Variants in ZNF385D observed in about 807,000 individuals in gnomAD.
ZNF385D encodes the protein zinc finger protein 659.
ZNF385D carries 15 observed loss-of-function variants against 35.8 expected under a neutral mutation model. That is an observed-to-expected ratio of 0.42 (90% CI 0.28 to 0.64). ZNF385D has a LOEUF of 0.64. ZNF385D is among the 30% of genes least tolerant of loss of function. The probability of loss-of-function intolerance (pLI) is 0.23; values close to 1 mark genes in which losing one functional copy is unlikely to be tolerated. For missense variants in ZNF385D, 474 were observed against 494.6 expected, an observed-to-expected ratio of 0.96 and a Z score of 0.39; for synonymous variants, 212 against 186.8, an observed-to-expected ratio of 1.13 and a Z score of -1.10.
At chr3:21,511,896 C>G (rs1306821137) in intron 3 of ZNF385D, 14 of 423,818 alleles carry the variant, frequency 3.3e-5, no homozygotes, top group Admixed American at 3.1e-4. Context: ...TGACTGTAAT[C>G]CAAGCACTTT....
chr3:22,347,531 C>G (rs896167899), intron 2 of ZNF385D, among the ~76,000 whole-genome samples: 4 of 152,146 alleles, frequency 2.6e-5, no homozygotes, highest in Admixed American at 2.6e-4. Context: ...TCAAAACAAT[C>G]AGACATGTCA....
intron 3 of ZNF385D, among the ~76,000 whole-genome samples, chr3:21,850,433 T>G (rs536911702): frequency 6.6e-6 from 1 of 152,078 alleles, no homozygotes. Flanking sequence ...CTCTTTGAGC[T>G]GTAGACACAA....
At chr3:21,865,603 C>T (rs1171059318) in intron 3 of ZNF385D, among the ~76,000 whole-genome samples, 3 of 152,056 alleles carry the variant, frequency 2.0e-5, no homozygotes, top group Non-Finnish European at 4.4e-5. Context: ...GTATCTTTAT[C>T]AAGAACTTGC....
intron 2 of ZNF385D, among the ~76,000 whole-genome samples, chr3:22,303,475 C>G (rs1274803431): frequency 6.6e-6 from 1 of 152,124 alleles, no homozygotes; most frequent in Non-Finnish European, 1.5e-5. Flanking sequence ...GTTCACTTAT[C>G]TTGCCTCCTT....
At chr3:22,077,910 G>A (rs561296426) in intron 3 of ZNF385D, among the ~76,000 whole-genome samples, 1 of 152,118 alleles carries the variant, frequency 6.6e-6, no homozygotes, top group African/African-American at 2.4e-5. Context: ...ATCACTCCAT[G>A]TCTGATACCT....
chr3:22,014,621 TTAC>T (rs1440132207), intron 3 of ZNF385D, among the ~76,000 whole-genome samples: 1 of 151,732 alleles, frequency 6.6e-6, no homozygotes, highest in East Asian at 1.9e-4. Context: ...CTCAGAAAAA[TTAC>T]CACCATGAAA....
chr3:21,491,810 C>T (rs1485799397), intron 4 of ZNF385D, among the ~76,000 whole-genome samples: 1 of 152,096 alleles, frequency 6.6e-6, no homozygotes, highest in Non-Finnish European at 1.5e-5. Context: ...TACGTAATAG[C>T]CAACTGGATG....
intron 2 of ZNF385D, among the ~76,000 whole-genome samples, chr3:22,347,672 T>C (rs186982761): frequency 2.6e-5 from 4 of 152,298 alleles, no homozygotes; most frequent in Non-Finnish European, 5.9e-5. Context: ...TTAAAAATGA[T>C]ATGACTGTTT....
rs948959863 is a variant in ZNF385D at position 22,256,222 on chromosome 3, C to T, written c.107-87187G>A. Among the ~76,000 whole-genome samples, 3 of 117,194 alleles carry T rather than the reference C, an allele frequency of 2.6e-5. No individual in the cohort carries two copies. In the Admixed American group the frequency reaches 2.6e-4, roughly 10 times the overall value. The allele number at this position is 117,194 out of a possible 152,430, so 76.9% of individuals were successfully genotyped here. On this transcript the variant is annotated intron_variant, in intron 2 of 5. Coordinates refer to the ZNF385D transcript ENST00000494108. ...ACATACATATATACATATATATACACACATATACACATACATATATATATA... is the reference window on the plus strand; with the variant it reads ...ACATACATATATACATATATATACATACATATACACATACATATATATATA...
At chr3:21,999,796 A>G (rs542419494) in intron 3 of ZNF385D, among the ~76,000 whole-genome samples, 1 of 151,886 alleles carries the variant, frequency 6.6e-6, no homozygotes, top group Non-Finnish European at 1.5e-5. Flanking sequence ...AATAATAATG[A>G]AAAACAAAAA....
chr3:21,892,844 G>A (rs1698942312), intron 3 of ZNF385D, among the ~76,000 whole-genome samples: 1 of 152,092 alleles, frequency 6.6e-6, no homozygotes, highest in Non-Finnish European at 1.5e-5. Context: ...ATTGTGGATT[G>A]TAAAGTCCAC....
chr3:21,947,289 GT>G (rs745920600), intron 3 of ZNF385D, among the ~76,000 whole-genome samples: 7 of 152,056 alleles, frequency 4.6e-5, no homozygotes, highest in South Asian at 2.1e-4. Context: ...TTATGGTACA[GT>G]TAAGCCACTC....
chr3:21,759,365 G>A (rs1023524697), intron 3 of ZNF385D, among the ~76,000 whole-genome samples: 2 of 141,460 alleles, frequency 1.4e-5, no homozygotes, highest in Middle Eastern at 3.4e-3. Context: ...TTATTAAAGA[G>A]TAAGTTTCTC....
chr3:22,190,116 C>A lies in ZNF385D; in HGVS notation c.107-21081G>T, dbSNP rs982818528. On this transcript the variant is annotated intron_variant, in intron 2 of 5. Transcript: ENST00000494108. ...AAAACAGTATTCTTGGTAAGTGTTG[C>A]CATCACAGTTTGAGATTTTATATTG... is the stretch of plus-strand genomic sequence containing the variant. Among the ~76,000 whole-genome samples, 11 of 152,206 alleles carry A rather than the reference C, an allele frequency of 7.2e-5. No homozygotes were observed. The South Asian group carries it at 1.0e-3, about 14-fold the overall frequency.
intron 1 of ZNF385D, among the ~76,000 whole-genome samples, chr3:21,689,886 C>CAAAA (rs5847127): frequency 7.0e-6 from 1 of 143,744 alleles, no homozygotes; most frequent in Non-Finnish European, 1.5e-5. Context: ...CGAAAAATTG[C>CAAAA]AAAAAAAAAA....
chr3:22,034,832 A>G (rs1698213363), intron 3 of ZNF385D, among the ~76,000 whole-genome samples: 1 of 152,186 alleles, frequency 6.6e-6, no homozygotes, highest in East Asian at 1.9e-4. Flanking sequence ...ACTGTCCTTG[A>G]TATTCTAGGT....
rs934329653 is a variant in ZNF385D at position 21,417,608 on chromosome 3, A to G, written c.*3606T>C. On this transcript the variant is annotated 3_prime_UTR_variant, in exon 8 of 8. Transcript: ENST00000281523. ...AGATATTAATTTAAAATTTAATTGT[A>G]ATTGGTGATATTTATTGCTCATGTC... is the stretch of plus-strand genomic sequence containing the variant. The G allele has an allele frequency of 2.0e-5, 3 of 152,104 alleles. No homozygotes were observed. The highest frequency in any genetic ancestry group is 7.2e-5 in the African/African-American group (3 of 41,418). The allele number at this position is 152,104 out of a possible 1,614,324, so 9.4% of individuals were successfully genotyped here.
intron 3 of ZNF385D, among the ~76,000 whole-genome samples, chr3:21,524,544 CTAAGT>C (rs1298427140): frequency 6.6e-6 from 1 of 152,154 alleles, no homozygotes. Context: ...CATCCTCACA[CTAAGT>C]TAACTAGAAA....
At chr3:21,926,241 T>G (rs1293846642) in intron 3 of ZNF385D, among the ~76,000 whole-genome samples, 2 of 152,074 alleles carry the variant, frequency 1.3e-5, no homozygotes, top group East Asian at 3.9e-4. Flanking sequence ...CCCATAAACC[T>G]GTCATCTTCA....
Sources: allele counts gnomAD v4.1 joint callset (sites outside exome capture counted in the v4.1 genomes callset), GRCh38; gene constraint gnomAD v4.1.1; transcripts MANE v1.5; gene names NCBI Gene and HGNC (gene_info 2026-07-23, HGNC 2026-07-21).